Variants in MIPOL1 observed in about 807,000 individuals in gnomAD.
MIPOL1 encodes mirror-image polydactyly gene 1 protein.
MIPOL1 carries 57 observed loss-of-function variants against 60.9 expected under a neutral mutation model. The ratio of observed to expected loss-of-function variants is 0.94; its 90% CI spans 0.76 to 1.17. MIPOL1 has a LOEUF of 1.17. MIPOL1 is among the 50% of genes most tolerant of loss of function. The probability of loss-of-function intolerance (pLI) is 0.00; values close to 1 mark genes in which losing one functional copy is unlikely to be tolerated. For synonymous variants in MIPOL1, 179 were observed against 168.8 expected (o/e 1.06, Z -0.47); for missense variants, 551 against 511.6 (o/e 1.08, Z -0.74).
At chr14:37,284,481 T>A (rs1255943525) in intron 6 of MIPOL1, among the ~76,000 whole-genome samples, 1 of 152,064 alleles carries the variant, frequency 6.6e-6, no homozygotes, top group Admixed American at 6.6e-5. Context: ...GTAGCTGGGA[T>A]TACAGGTGCC....
At chr14:37,201,600 A>C (rs558587004) in intron 1 of MIPOL1, among the ~76,000 whole-genome samples, 2 of 152,126 alleles carry the variant, frequency 1.3e-5, no homozygotes, top group Non-Finnish European at 2.9e-5. Flanking sequence ...GATTGAGTAC[A>C]CTCATGATAT....
intron 5 of MIPOL1, among the ~76,000 whole-genome samples, chr14:37,269,180 T>C (rs1038875698): frequency 2.9e-4 from 44 of 152,130 alleles, no homozygotes; most frequent in Admixed American, 5.2e-4. Flanking sequence ...TGCCCTATAT[T>C]TGACCTCAAT....
intron 1 of MIPOL1, among the ~76,000 whole-genome samples, chr14:37,210,892 G>A (rs1027551514): frequency 2.6e-5 from 4 of 152,146 alleles, no homozygotes; most frequent in African/African-American, 9.7e-5. Flanking sequence ...TACAAAAGTG[G>A]TGTTGGTACC....
intron 11 of MIPOL1, among the ~76,000 whole-genome samples, chr14:37,458,040 T>C (rs887953439): frequency 7.2e-5 from 11 of 151,814 alleles, no homozygotes; most frequent in Non-Finnish European, 1.2e-4. Context: ...GCTATACTTA[T>C]ATCAGATAAA....
chr14:37,382,406 T>A (rs1389168613), intron 10 of MIPOL1, among the ~76,000 whole-genome samples: 1 of 152,110 alleles, frequency 6.6e-6, no homozygotes, highest in Non-Finnish European at 1.5e-5. Context: ...CTTACTTTAC[T>A]AAGTATTTCT....
Position 37,241,454 on chromosome 14 carries a change from A to G in MIPOL1, c.-198-5649A>G, listed in dbSNP as rs946244170. Among the ~76,000 whole-genome samples the G allele has an allele frequency of 1.1e-3, 165 of 152,084 alleles. 1 individual carries two copies. Among genetic ancestry groups the G allele is most frequent in the African/African-American group, 3.8e-3 (156 of 41,496 alleles). On this transcript the variant is annotated intron_variant, in intron 1 of 12. Transcript: ENST00000684589. ...AAAATTAGGCTAGGTTCAGTGACTC[A>G]TGCCTATAATCCCAGCACTTTGGGA...
chr14:37,310,224 G>C lies in MIPOL1; in HGVS notation c.828+1705G>C, dbSNP rs919733491. ...CTCTGTTTTGTATCTTCACAGCTTTGTAAGGCAGGAGAAAAATCACACAAA... is the reference window on the plus strand; with the variant it reads ...CTCTGTTTTGTATCTTCACAGCTTTCTAAGGCAGGAGAAAAATCACACAAA... On this transcript the variant is annotated intron_variant, in intron 9 of 12. Transcript: ENST00000684589. 9.2e-5 allele frequency among the ~76,000 whole-genome samples: 14 copies of C among 152,098 alleles called. No homozygotes were observed. In the Middle Eastern group the frequency reaches 0.01, roughly 111 times the overall value.
intron 9 of MIPOL1, among the ~76,000 whole-genome samples, chr14:37,312,663 G>GT (rs2087452969): frequency 6.6e-6 from 1 of 152,050 alleles, no homozygotes; most frequent in African/African-American, 2.4e-5. Context: ...ATCCCAAATT[G>GT]TTTTTTCATT....
intron 11 of MIPOL1, chr14:37,434,571 C>G (rs1447553166): frequency 1.3e-5 from 2 of 151,446 alleles, no homozygotes; most frequent in African/African-American, 4.9e-5. Context: ...CCAAGGTGAG[C>G]ACTAATTTAA....
chr14:37,245,718 T>C (rs1300299200), intron 1 of MIPOL1, among the ~76,000 whole-genome samples: 2 of 152,136 alleles, frequency 1.3e-5, no homozygotes, highest in Non-Finnish European at 2.9e-5. Context: ...ATTGTGCTAA[T>C]TGCAATATTT....
At chr14:37,283,236 T>C (rs2084274685) in intron 6 of MIPOL1, among the ~76,000 whole-genome samples, 1 of 152,034 alleles carries the variant, frequency 6.6e-6, no homozygotes, top group African/African-American at 2.4e-5. Flanking sequence ...CAGCTAATTT[T>C]TTGTATTTTT....
Position 37,240,928 on chromosome 14 carries a change from C to T in MIPOL1, c.-198-6175C>T, listed in dbSNP as rs367608089. 1.8e-3 allele frequency among the ~76,000 whole-genome samples: 234 copies of T among 132,696 alleles called. 1 individual carries two copies. Among genetic ancestry groups the T allele is most frequent in the African/African-American group, 7.6e-3 (228 of 29,960 alleles). 87.1% of individuals were successfully genotyped at this position (132,696 alleles called of 152,430 possible). ...TTTTAGAGAAACTACCAGTAGGTGA[C>T]ACACACACACATACACACACACACA... On this transcript the variant is annotated intron_variant, in intron 1 of 12. Coordinates refer to ENST00000684589, the MANE Select transcript of MIPOL1 (RefSeq NM_001388067.1).
chr14:37,385,738 C>T (rs771837822), intron 10 of MIPOL1: 1 of 151,932 alleles, frequency 6.6e-6, no homozygotes, highest in African/African-American at 2.4e-5. Context: ...GATTTCTTCT[C>T]AGCCTTTTGT....
intron 10 of MIPOL1, among the ~76,000 whole-genome samples, chr14:37,421,237 T>C (rs959180623): frequency 6.6e-6 from 1 of 152,162 alleles, no homozygotes; most frequent in Non-Finnish European, 1.5e-5. Context: ...TTGTTTTCTG[T>C]GCACAGGTAC....
At chr14:37,313,386 G>A (rs554118445) in intron 9 of MIPOL1, among the ~76,000 whole-genome samples, 2 of 152,260 alleles carry the variant, frequency 1.3e-5, no homozygotes, top group Admixed American at 1.3e-4. Flanking sequence ...TTACTTATAA[G>A]GGTATACATA....
At chr14:37,414,575 C>G (rs1257618443) in intron 10 of MIPOL1, among the ~76,000 whole-genome samples, 1 of 152,136 alleles carries the variant, frequency 6.6e-6, no homozygotes, top group African/African-American at 2.4e-5. Flanking sequence ...AAGAAATTCA[C>G]TGTTAATCTT....
At chr14:37,225,007 C>A (rs1387164372) in intron 1 of MIPOL1, among the ~76,000 whole-genome samples, 1 of 152,158 alleles carries the variant, frequency 6.6e-6, no homozygotes, top group Admixed American at 6.5e-5. Context: ...GTGGGGCAGT[C>A]AAATATTAAA....
chr14:37,273,003 A>G (rs2083405727), intron 6 of MIPOL1, among the ~76,000 whole-genome samples: 1 of 151,340 alleles, frequency 6.6e-6, no homozygotes, highest in Non-Finnish European at 1.5e-5. Flanking sequence ...TGTAAAATAT[A>G]GAGATTTATA....
intron 7 of MIPOL1, among the ~76,000 whole-genome samples, chr14:37,296,148 A>T (rs1373589494): frequency 1.3e-5 from 2 of 152,148 alleles, no homozygotes; most frequent in East Asian, 1.9e-4. Context: ...GGATTAAGAA[A>T]CTCACTCAAA....
Sources: allele counts gnomAD v4.1 joint callset (sites outside exome capture counted in the v4.1 genomes callset), GRCh38; gene constraint gnomAD v4.1.1; transcripts MANE v1.5; gene names NCBI Gene and HGNC (gene_info 2026-07-23, HGNC 2026-07-21).